The following GOLGA6A variants were observed in gnomAD, a reference collection of about 807,000 sequenced individuals.
GOLGA6A encodes golgin subfamily A member 6A.
A neutral mutation model predicts 53.6 loss-of-function variants in GOLGA6A; 1 was observed. That is an observed-to-expected ratio of 0.02 (90% CI 0.01 to 0.09). The LOEUF is 0.09. GOLGA6A is among the 10% of genes least tolerant of loss of function. The pLI, the probability that GOLGA6A is intolerant of heterozygous loss-of-function variation, is 1.00. For synonymous variants in GOLGA6A, 6 were observed against 201.8 expected (o/e 0.03, Z 8.22); for missense variants, 23 against 509.4 (o/e 0.05, Z 9.19).
chr15:74,073,197 G>A (rs2141913782), intron 12 of GOLGA6A, among the ~76,000 whole-genome samples: 1 of 151,688 alleles, frequency 6.6e-6, no homozygotes, highest in South Asian at 2.1e-4. Context: ...TAATAGGGTA[G>A]CGAGGGCACC....
chr15:74,071,153 T>TG lies in GOLGA6A; in HGVS notation c.1924dup (p.Gln642ProfsTer8). Reference sequence around the variant, plus strand: ...CTGCTCACCGGCAGCCCCAAGTTCCTGGGGGGCTGGGGCCCCTGGAGTGGG... The same window carrying TG: ...CTGCTCACCGGCAGCCCCAAGTTCCTGGGGGGGCTGGGGCCCCTGGAGTGGG... On this transcript the variant is annotated frameshift_variant, in exon 17 of 18. Coordinates refer to ENST00000290438, the MANE Select transcript of GOLGA6A (RefSeq NM_001038640.2). LOFTEE classifies it low-confidence loss of function (END_TRUNC). 1 of 1,373,554 alleles carries TG rather than the reference T, an allele frequency of 7.3e-7. No homozygotes were observed. The highest frequency in any genetic ancestry group is 9.9e-7 in the Non-Finnish European group (1 of 1,007,362). 85.1% of individuals were successfully genotyped at this position (1,373,554 alleles called of 1,614,324 possible). A position where few individuals can be genotyped will look rare whatever the true frequency, so the allele number is the denominator to read the frequency against.
intron 13 of GOLGA6A, 27 bp from the exon 14 acceptor site, chr15:74,072,336 T>G: frequency 6.2e-7 from 1 of 1,611,382 alleles, no homozygotes; most frequent in Non-Finnish European, 8.5e-7. Flanking sequence ...AGAGGGGTCC[T>G]CAGACAACCC....
Position 74,074,666 on chromosome 15 carries a change from GCCTCTCCT to G in GOLGA6A, c.1175_1182del (p.Glu392AlafsTer116). Reference sequence around the variant, plus strand: ...TGCAGCCTCTCCTCCTCCTTTCGCAGCCTCTCCTCCTGTTTGCGTAGCCTCTGCTCCTG... The same window carrying G: ...TGCAGCCTCTCCTCCTCCTTTCGCAGCCTGTTTGCGTAGCCTCTGCTCCTG... On this transcript the variant is annotated frameshift_variant, in exon 11 of 18. Transcript: ENST00000290438. LOFTEE classifies it high-confidence loss of function. The G allele has an allele frequency of 4.4e-6, 2 of 456,422 alleles. No homozygotes were observed. Among genetic ancestry groups the G allele is most frequent in the Non-Finnish European group, 7.2e-6 (2 of 277,922 alleles). 28.3% of individuals were successfully genotyped at this position (456,422 alleles called of 1,614,324 possible).
At chr15:74,072,718 C>A (rs1331871016) in intron 13 of GOLGA6A, 24 bp downstream of exon 13, 1 of 1,610,752 alleles carries the variant, frequency 6.2e-7, no homozygotes, top group African/African-American at 1.4e-5. Context: ...GCTCTCTCCT[C>A]TTCCTCTGAG....
chr15:74,076,254 C>A (rs2071978210), intron 7 of GOLGA6A, among the ~76,000 whole-genome samples: 1 of 145,914 alleles, frequency 6.9e-6, no homozygotes, highest in African/African-American at 2.6e-5. Flanking sequence ...GAGTGCTTCA[C>A]CAGGTTCCAT....
At chr15:74,072,883 T>C (rs2071957245) in intron 12 of GOLGA6A, 66 bp from the exon 13 acceptor site, 1 of 1,601,954 alleles carries the variant, frequency 6.2e-7, no homozygotes, top group South Asian at 1.1e-5. Flanking sequence ...CGGGGCCCCG[T>C]CCTCAGCAAC....
At position 74,070,854 on chromosome 15, in the gene GOLGA6A, T is replaced by G; in HGVS notation, c.*56A>C. 1 of 1,559,108 alleles carries G rather than the reference T, an allele frequency of 6.4e-7. No individual in the cohort carries two copies. Among genetic ancestry groups the G allele is most frequent in the Non-Finnish European group, 8.7e-7 (1 of 1,151,616 alleles). On this transcript the variant is annotated 3_prime_UTR_variant, in exon 18 of 18. Transcript: ENST00000290438. The stretch of plus-strand genomic sequence containing the variant: ...GATGATGATGTTTATCTCCCTGTTC[T>G]CGGCTGCCTGGTAGAAGAATGGCAC...
At chr15:74,080,482 A>C (rs2071996468) in intron 2 of GOLGA6A, 134 bp downstream of exon 2, 1 of 1,468,092 alleles carries the variant, frequency 6.8e-7, no homozygotes, top group African/African-American at 1.4e-5. Flanking sequence ...AACTTGCCAT[A>C]AATCAGATCG....
intron 2 of GOLGA6A, among the ~76,000 whole-genome samples, chr15:74,079,266 CAA>C (rs1319577495): frequency 7.8e-3 from 9 of 1,150 alleles, no homozygotes; most frequent in South Asian, 0.042. Flanking sequence ...GACTCTGTCT[CAA>C]AAAAAAAAAA....
chr15:74,071,838 C>G (rs1431317119), intron 14 of GOLGA6A, among the ~76,000 whole-genome samples, 182 bp from the exon 15 acceptor site: 1 of 152,310 alleles, frequency 6.6e-6, no homozygotes, highest in African/African-American at 2.4e-5. Context: ...CTGCCTCTGG[C>G]TCCTTCCAGG....
intron 7 of GOLGA6A, among the ~76,000 whole-genome samples, chr15:74,076,662 C>CACA (rs1389139330): frequency 3.1e-4 from 45 of 145,942 alleles, no homozygotes; most frequent in Non-Finnish European, 4.6e-4. Flanking sequence ...ACACACACAC[C>CACA]CCTTTCCTCT....
intron 1 of GOLGA6A, among the ~76,000 whole-genome samples, 172 bp from the exon 2 acceptor site, chr15:74,080,907 T>TAAAAAAAA (rs201001731): frequency 1.1e-5 from 1 of 91,748 alleles, no homozygotes; most frequent in Non-Finnish European, 2.2e-5. Context: ...ATATTATGGC[T>TAAAAAAAA]AAAAAAAAAA....
chr15:74,076,529 G>A (rs1234915562), intron 7 of GOLGA6A, among the ~76,000 whole-genome samples: 3 of 74,458 alleles, frequency 4.0e-5, no homozygotes, highest in African/African-American at 1.7e-4. Context: ...CCAAAACTCA[G>A]AAGGTACAGA....
At chr15:74,076,022 G>T in intron 7 of GOLGA6A, 37 bp from the exon 8 acceptor site, 1 of 1,612,228 alleles carries the variant, frequency 6.2e-7, no homozygotes, top group South Asian at 1.1e-5. Flanking sequence ...GATCTGGGGA[G>T]CTCAGGCAGT....
At chr15:74,072,023 G>A (rs1240945191) in intron 14 of GOLGA6A, among the ~76,000 whole-genome samples, 195 bp downstream of exon 14, 1 of 152,148 alleles carries the variant, frequency 6.6e-6, no homozygotes, top group African/African-American at 2.4e-5. Context: ...AGGCAGGGAG[G>A]TGGAGAACAA....
chr15:74,078,175 A>AG (rs1310088153), intron 3 of GOLGA6A, among the ~76,000 whole-genome samples: 4 of 133,052 alleles, frequency 3.0e-5, no homozygotes, highest in African/African-American at 1.4e-4. Flanking sequence ...TTTCCATTCT[A>AG]GGGGCCTTTA....
chr15:74,080,735 GCTGTGGGAAA>G lies in GOLGA6A; in HGVS notation c.85-10_85-1del. On this transcript the variant is annotated splice_acceptor_variant and splice_polypyrimidine_tract_variant and intron_variant, in intron 1 of 17. Coordinates refer to ENST00000290438, the MANE Select transcript of GOLGA6A (RefSeq NM_001038640.2). LOFTEE classifies it high-confidence loss of function. ...CTCTTCCTTTGCTGATATTCTTTTAGCTGTGGGAAAGAAGAGCAGTAATACTCATGAGAAC... is the reference window on the plus strand; with the variant it reads ...CTCTTCCTTTGCTGATATTCTTTTAGGAAGAGCAGTAATACTCATGAGAAC... 1 of 1,610,480 alleles carries G rather than the reference GCTGTGGGAAA, an allele frequency of 6.2e-7. No homozygotes were observed. The highest frequency in any genetic ancestry group is 1.1e-5 in the South Asian group (1 of 90,882).
chr15:74,076,658 A>ACACACACC (rs2071981211), intron 7 of GOLGA6A, among the ~76,000 whole-genome samples: 1 of 148,370 alleles, frequency 6.7e-6, no homozygotes, highest in Non-Finnish European at 1.5e-5. Flanking sequence ...ACACACACAC[A>ACACACACC]CACCCCTTTC....
Position 74,070,957 on chromosome 15 carries a change from T to G in GOLGA6A, c.2035A>C (p.Thr679Pro), listed in dbSNP as rs368187335. 6,156 of 1,601,818 alleles carry G rather than the reference T, an allele frequency of 3.8e-3. 52 individuals are homozygous for G. The African/African-American group carries it at 0.079, about 21-fold the overall frequency. Residue 679 changes from threonine (T) to proline (P), a missense_variant, in exon 18 of 18, where the codon ACT becomes CCT. Coordinates refer to ENST00000290438, the MANE Select transcript of GOLGA6A (RefSeq NM_001038640.2). Reference sequence around the variant, plus strand: ...GACAGCTGCACGATCTGCTGTACAGTGGGGTTGTCATGGGGAGAACCCTCC... The same window carrying G: ...GACAGCTGCACGATCTGCTGTACAGGGGGGTTGTCATGGGGAGAACCCTCC... The part of the protein sequence containing the change: ...AREGSPHDNP[T>P]VQQIVQLSPV...
Sources: gnomAD v4.1 joint callset for allele counts (sites outside exome capture counted in the v4.1 genomes callset) on GRCh38, gnomAD v4.1.1 for gene constraint, MANE v1.5 for transcripts, NCBI Gene and HGNC (gene_info 2026-07-23, HGNC 2026-07-21) for gene names.